CNTNAP2: variants seen among roughly 807,000 people sequenced by gnomAD.
CNTNAP2 encodes the protein contactin-associated protein-like 2.
A neutral mutation model predicts 155.2 loss-of-function variants in CNTNAP2; 98 were observed. The ratio of observed to expected loss-of-function variants is 0.63; its 90% CI spans 0.54 to 0.75. The LOEUF (loss-of-function observed/expected upper bound fraction) is 0.75. Ranked by LOEUF, CNTNAP2 falls within the 30% of genes least tolerant of loss-of-function variation. The probability of loss-of-function intolerance (pLI) is 0.00; values close to 1 mark genes in which losing one functional copy is unlikely to be tolerated. For missense variants in CNTNAP2, 1,727 were observed against 1,688.1 expected, an observed-to-expected ratio of 1.02 and a Z score of -0.40; for synonymous variants, 651 against 631.2, an observed-to-expected ratio of 1.03 and a Z score of -0.47.
chr7:146,411,157 AT>A (rs35201362), intron 1 of CNTNAP2, among the ~76,000 whole-genome samples: 54,334 of 139,048 alleles, frequency 0.39, 10,881 homozygotes, highest in African/African-American at 0.58. Context: ...AATAGAGTAG[AT>A]TTTTTTTTTT....
intron 13 of CNTNAP2, among the ~76,000 whole-genome samples, chr7:147,794,269 G>A (rs7803378): frequency 0.11 from 16,618 of 151,894 alleles, 1,173 homozygotes; most frequent in East Asian, 0.2. Flanking sequence ...TCACCATTAA[G>A]TATGATATTA....
At chr7:147,502,143 T>C (rs1798826240) in intron 11 of CNTNAP2, among the ~76,000 whole-genome samples, 1 of 152,138 alleles carries the variant, frequency 6.6e-6, no homozygotes, top group Non-Finnish European at 1.5e-5. Flanking sequence ...CACTAAAATA[T>C]CCTTATCAAT....
At chr7:146,895,553 ATTAAT>A (rs1337384898) in intron 3 of CNTNAP2, among the ~76,000 whole-genome samples, 3 of 152,104 alleles carry the variant, frequency 2.0e-5, no homozygotes, top group South Asian at 4.1e-4. Flanking sequence ...CACCATATAA[ATTAAT>A]TTAGAGCCAT....
At chr7:146,127,248 G>T (rs534436135) in intron 1 of CNTNAP2, among the ~76,000 whole-genome samples, 13 of 151,930 alleles carry the variant, frequency 8.6e-5, no homozygotes, top group African/African-American at 3.1e-4. Context: ...ACTCATTTAC[G>T]GTCCAAGCCT....
chr7:147,541,699 C>T (rs1799643365), intron 11 of CNTNAP2, among the ~76,000 whole-genome samples: 1 of 152,116 alleles, frequency 6.6e-6, no homozygotes, highest in Non-Finnish European at 1.5e-5. Context: ...CAATATATTT[C>T]TATTTGATCA....
chr7:147,324,215 G>A (rs963325298), intron 9 of CNTNAP2, among the ~76,000 whole-genome samples: 1 of 152,088 alleles, frequency 6.6e-6, no homozygotes, highest in African/African-American at 2.4e-5. Flanking sequence ...AGCTACTCTT[G>A]ATTTTGTTTA....
chr7:146,530,425 G>A (rs1797753659), intron 1 of CNTNAP2, among the ~76,000 whole-genome samples: 1 of 151,906 alleles, frequency 6.6e-6, no homozygotes, highest in Non-Finnish European at 1.5e-5. Flanking sequence ...GAAAAAAAAA[G>A]AGCAAAGTAA....
Position 146,931,432 on chromosome 7 carries a change from A to G in CNTNAP2, c.402+91528A>G, listed in dbSNP as rs560775742. On this transcript the variant is annotated intron_variant, in intron 3 of 23. Coordinates refer to ENST00000361727, the MANE Select transcript of CNTNAP2 (RefSeq NM_014141.6). ...TACCAGAATCTCTGGGACGCATTCA[A>G]AGCAGTGTGTAGAGGGAAATTTATA... Among the ~76,000 whole-genome samples, 15 of 149,182 alleles carry G rather than the reference A, an allele frequency of 1.0e-4. 1 individual carries two copies. The highest frequency in any genetic ancestry group is 3.8e-4 in the African/African-American group (15 of 39,454).
At chr7:148,209,402 G>A (rs927595695) in intron 18 of CNTNAP2, among the ~76,000 whole-genome samples, 5 of 150,866 alleles carry the variant, frequency 3.3e-5, no homozygotes, top group African/African-American at 1.2e-4. Flanking sequence ...CCAAAGTGCT[G>A]GGATTACCGT....
intron 15 of CNTNAP2, among the ~76,000 whole-genome samples, chr7:148,060,239 A>C (rs1030075757): frequency 6.6e-6 from 1 of 152,172 alleles, no homozygotes; most frequent in Admixed American, 6.5e-5. Context: ...TGAACCTTAA[A>C]ACTGCTTTAA....
intron 9 of CNTNAP2, among the ~76,000 whole-genome samples, chr7:147,309,462 G>T (rs1278329050): frequency 6.6e-6 from 1 of 151,962 alleles, no homozygotes; most frequent in African/African-American, 2.4e-5. Flanking sequence ...TTTATTTACT[G>T]CTTCCAAACC....
chr7:146,630,492 T>G (rs916354395), intron 1 of CNTNAP2, among the ~76,000 whole-genome samples: 1 of 152,150 alleles, frequency 6.6e-6, no homozygotes, highest in African/African-American at 2.4e-5. Context: ...CCTTTGGGTA[T>G]ATACCCAGTT....
At chr7:147,313,468 G>A (rs1235915992) in intron 9 of CNTNAP2, among the ~76,000 whole-genome samples, 1 of 150,510 alleles carries the variant, frequency 6.6e-6, no homozygotes, top group East Asian at 2.0e-4. Flanking sequence ...TCCAGTTTCA[G>A]CTTTCTACAT....
intron 20 of CNTNAP2, 75 bp downstream of exon 20, chr7:148,229,854 G>A: frequency 1.9e-6 from 3 of 1,581,038 alleles, no homozygotes; most frequent in Non-Finnish European, 1.7e-6. Flanking sequence ...TTGGCCATTG[G>A]TTTTGTTTTG....
At chr7:148,153,379 G>A (rs1236340913) in intron 17 of CNTNAP2, among the ~76,000 whole-genome samples, 1 of 152,092 alleles carries the variant, frequency 6.6e-6, no homozygotes, top group Non-Finnish European at 1.5e-5. Flanking sequence ...TAATCAAAAA[G>A]TAACAAATAC....
chr7:148,208,871 G>C (rs1285849916), intron 18 of CNTNAP2, among the ~76,000 whole-genome samples: 1 of 151,992 alleles, frequency 6.6e-6, no homozygotes, highest in African/African-American at 2.4e-5. Flanking sequence ...GGGGTCCCCG[G>C]GGTGCCCTAA....
intron 1 of CNTNAP2, among the ~76,000 whole-genome samples, chr7:146,253,941 A>G (rs900399939): frequency 1.3e-5 from 2 of 152,000 alleles, no homozygotes; most frequent in African/African-American, 4.8e-5. Context: ...ATGCACCTGT[A>G]GTCCCAGCTA....
chr7:147,550,348 T>C (rs1478673751), intron 11 of CNTNAP2, among the ~76,000 whole-genome samples: 3 of 152,058 alleles, frequency 2.0e-5, no homozygotes, highest in Non-Finnish European at 4.4e-5. Flanking sequence ...GCTGTTCTTG[T>C]GGTAGTGAAT....
chr7:146,397,984 C>T (rs1356985536), intron 1 of CNTNAP2, among the ~76,000 whole-genome samples: 2 of 151,542 alleles, frequency 1.3e-5, no homozygotes, highest in Non-Finnish European at 2.9e-5. Flanking sequence ...AGCGATTCTC[C>T]CACCTCAGCC....
Sources: allele counts gnomAD v4.1 joint callset (sites outside exome capture counted in the v4.1 genomes callset), GRCh38; gene constraint gnomAD v4.1.1; transcripts MANE v1.5; gene names NCBI Gene and HGNC (gene_info 2026-07-23, HGNC 2026-07-21).